Variants in STK24 observed in about 807,000 individuals in gnomAD.
STK24 encodes serine/threonine-protein kinase 24.
Under a neutral mutation model 55.6 loss-of-function variants are expected in STK24, and 21 were observed. That is an observed-to-expected ratio of 0.38 (90% CI 0.27 to 0.54). The LOEUF (loss-of-function observed/expected upper bound fraction) is 0.54. Among genes scored for constraint, STK24 ranks in the 20% least tolerant of loss-of-function variants. The probability of loss-of-function intolerance (pLI) is 0.79; values close to 1 mark genes in which losing one functional copy is unlikely to be tolerated. For synonymous variants in STK24, 200 were observed against 215.2 expected (o/e 0.93, Z 0.62); for missense variants, 383 against 538.4 (o/e 0.71, Z 2.86).
At chr13:98,484,378 G>C (rs1198650647) in intron 2 of STK24, among the ~76,000 whole-genome samples, 1 of 152,102 alleles carries the variant, frequency 6.6e-6, no homozygotes, top group African/African-American at 2.4e-5. Context: ...GGTTTCACTG[G>C]CTCCCATCCC....
At chr13:98,538,472 G>A (rs190306308) in intron 1 of STK24, among the ~76,000 whole-genome samples, 13 of 151,938 alleles carry the variant, frequency 8.6e-5, no homozygotes, top group African/African-American at 2.2e-4. Flanking sequence ...TGATCCTCCC[G>A]CCTTGGCCTC....
intron 1 of STK24, among the ~76,000 whole-genome samples, chr13:98,532,574 G>A (rs1180087316): frequency 2.0e-5 from 3 of 152,124 alleles, no homozygotes; most frequent in Non-Finnish European, 2.9e-5. Flanking sequence ...AGGGTGCTTC[G>A]TGTACGGTGA....
intron 2 of STK24, among the ~76,000 whole-genome samples, chr13:98,499,696 C>T (rs1056163556): frequency 5.9e-5 from 9 of 152,064 alleles, no homozygotes; most frequent in Admixed American, 2.0e-4. Context: ...GATCAGTAGC[C>T]GAGGTAAGGA....
intron 1 of STK24, among the ~76,000 whole-genome samples, chr13:98,567,897 A>G (rs1306057301): frequency 6.8e-6 from 1 of 146,548 alleles, no homozygotes; most frequent in Non-Finnish European, 1.5e-5. Context: ...GACAACTGCA[A>G]TGAAATCTCA....
chr13:98,535,586 T>C (rs563329159), intron 1 of STK24, among the ~76,000 whole-genome samples: 1 of 152,066 alleles, frequency 6.6e-6, no homozygotes, highest in East Asian at 1.9e-4. Flanking sequence ...CTGCTGAAGC[T>C]CCTCCCACGG....
intron 1 of STK24, among the ~76,000 whole-genome samples, chr13:98,524,457 T>C (rs1006561363): frequency 2.6e-5 from 4 of 152,152 alleles, no homozygotes; most frequent in African/African-American, 9.7e-5. Flanking sequence ...CGGATAAACA[T>C]GCAGCCAACT....
chr13:98,467,614 G>A (rs1186463178), intron 5 of STK24, among the ~76,000 whole-genome samples: 1 of 152,102 alleles, frequency 6.6e-6, no homozygotes, highest in East Asian at 1.9e-4. Context: ...TGTCTCTCTA[G>A]TGTCTGCATT....
intron 2 of STK24, among the ~76,000 whole-genome samples, chr13:98,486,973 A>G (rs1486475381): frequency 1.3e-5 from 2 of 152,230 alleles, no homozygotes; most frequent in Non-Finnish European, 2.9e-5. Flanking sequence ...GCACTTGGCA[A>G]AATTCATGGT....
chr13:98,564,556 T>A (rs1322624136), intron 1 of STK24, among the ~76,000 whole-genome samples: 7 of 152,166 alleles, frequency 4.6e-5, no homozygotes, highest in Non-Finnish European at 5.9e-5. Flanking sequence ...AGCTGGGTAC[T>A]AAAAAAGGCC....
chr13:98,569,601 G>A lies in STK24; in HGVS notation c.42+7144C>T, dbSNP rs112129638. Among the ~76,000 whole-genome samples the A allele has an allele frequency of 3.8e-3, 581 of 152,198 alleles. 5 individuals are homozygous for A. The highest frequency in any genetic ancestry group is 0.013 in the African/African-American group (537 of 41,522). ...AAGACAAGGTTGCAACAACTACAGA[G>A]TGCTGGGATGAATGAGAAGCATTAC... On this transcript the variant is annotated intron_variant, in intron 1 of 10. Transcript: ENST00000539966.
At chr13:98,458,448 C>T (rs779131369) in intron 9 of STK24, among the ~76,000 whole-genome samples, 4 of 152,210 alleles carry the variant, frequency 2.6e-5, no homozygotes, top group Admixed American at 1.3e-4. Context: ...CTTCTCTCTT[C>T]GCTACTGAAG....
At chr13:98,478,601 A>G (rs1288651865) in intron 3 of STK24, among the ~76,000 whole-genome samples, 1 of 152,198 alleles carries the variant, frequency 6.6e-6, no homozygotes, top group African/African-American at 2.4e-5. Context: ...ATAAATTTCT[A>G]TCTTTTGTGA....
At chr13:98,453,390 A>G (rs1403822433) in intron 10 of STK24, 181 bp from the exon 11 acceptor site, 2 of 627,964 alleles carry the variant, frequency 3.2e-6, no homozygotes, top group African/African-American at 3.7e-5. Flanking sequence ...TGAGAAGATC[A>G]TGATTCTTAC....
chr13:98,551,201 G>A (rs978414275), intron 1 of STK24, among the ~76,000 whole-genome samples: 16 of 151,856 alleles, frequency 1.1e-4, no homozygotes, highest in African/African-American at 3.6e-4. Flanking sequence ...CAGGAGAATG[G>A]CGTGAACCCG....
chr13:98,547,191 C>T (rs563061109), intron 1 of STK24, among the ~76,000 whole-genome samples: 2 of 152,248 alleles, frequency 1.3e-5, no homozygotes, highest in African/African-American at 2.4e-5. Context: ...GGATTACAGG[C>T]GTGAGCCACC....
rs557819358 is a variant in STK24 at position 98,575,406 on chromosome 13, TACACAC to T, written c.42+1333_42+1338del. 1.5e-4 allele frequency among the ~76,000 whole-genome samples: 22 copies of T among 148,534 alleles called. No homozygotes were observed. In the East Asian group the frequency reaches 2.4e-3, roughly 16 times the overall value. ...CACACATATATATACTGCTTATATATACACACACACACACACACACACATATACACA... is the reference window on the plus strand; with the variant it reads ...CACACATATATATACTGCTTATATATACACACACACACACACATATACACA... On this transcript the variant is annotated intron_variant, in intron 1 of 10. Transcript: ENST00000539966.
intron 2 of STK24, among the ~76,000 whole-genome samples, chr13:98,518,469 T>C (rs1273289436): frequency 6.6e-6 from 1 of 152,220 alleles, no homozygotes; most frequent in African/African-American, 2.4e-5. Flanking sequence ...AGAGCGTTTT[T>C]TTCCCCACCA....
intron 6 of STK24, 52 bp from the exon 7 acceptor site, chr13:98,463,888 C>A (rs1893821085): frequency 1.3e-6 from 2 of 1,586,422 alleles, no homozygotes; most frequent in Non-Finnish European, 1.7e-6. Flanking sequence ...CTTGGTCCTA[C>A]CCCAAAGGAC....
chr13:98,457,766 G>A (rs187352794), intron 9 of STK24, among the ~76,000 whole-genome samples: 4 of 152,254 alleles, frequency 2.6e-5, no homozygotes, highest in Admixed American at 1.3e-4. Flanking sequence ...CACTGTGCCC[G>A]GCCCGGGTTC....
Sources: allele counts gnomAD v4.1 joint callset (sites outside exome capture counted in the v4.1 genomes callset), GRCh38; gene constraint gnomAD v4.1.1; transcripts MANE v1.5; gene names NCBI Gene and HGNC (gene_info 2026-07-23, HGNC 2026-07-21).